The following NAV2 variants were observed in gnomAD, a reference collection of about 807,000 sequenced individuals.
The protein encoded by NAV2 is helicase, APC down-regulated 1.
A neutral mutation model predicts 223.2 loss-of-function variants in NAV2; 54 were observed. The observed-to-expected ratio is 0.24, with a 90% CI of 0.19 to 0.30. The LOEUF is 0.30. Among genes scored for constraint, NAV2 ranks in the 10% least tolerant of loss-of-function variants. NAV2 has a pLI of 1.00. For synonymous variants in NAV2, 1,279 were observed against 1,239.3 expected, an observed-to-expected ratio of 1.03 and a Z score of -0.67; for missense variants, 2,806 against 3,147.5, an observed-to-expected ratio of 0.89 and a Z score of 2.60.
At chr11:20,018,133 C>T (rs554244414) in intron 11 of NAV2, among the ~76,000 whole-genome samples, 115 of 152,216 alleles carry the variant, frequency 7.6e-4, no homozygotes, top group Middle Eastern at 3.4e-3. Context: ...GCAGGCGGAT[C>T]ACTTGAGATC....
At position 20,048,784 on chromosome 11, in the gene NAV2, A is replaced by G; in HGVS notation, c.3959A>G (p.Lys1320Arg). ...QVPIATAENM[K>R]NSVVISNPHA... ...CCCATCGCCACAGCTGAAAACATGAAAAATTCGGTGGTCATCTCCAATCCT... is the reference window on the plus strand; with the variant it reads ...CCCATCGCCACAGCTGAAAACATGAGAAATTCGGTGGTCATCTCCAATCCT... The change falls in exon 15 of 38, where the codon AAA becomes AGA. Residue 1320 changes from lysine (K) to arginine (R), a missense_variant. Around this residue, in one of 4 missense-constraint regions of NAV2, gnomAD observed 742 missense variants for 777.9 expected, o/e 0.95. Transcript: ENST00000349880. 6.2e-7 allele frequency: 1 copy of G among 1,614,102 alleles called. No homozygotes were observed. Among genetic ancestry groups the G allele is most frequent in the Non-Finnish European group, 8.5e-7 (1 of 1,180,008 alleles).
rs756161680 is a variant in NAV2 at position 19,984,157 on chromosome 11, C to T, written c.2678C>T (p.Thr893Ile). The change falls in exon 11 of 38, where the codon ACC becomes ATC. Residue 893 changes from threonine to isoleucine, a missense_variant. Physicochemically the swap from Thr to Ile is moderately conservative, Grantham distance 89 (BLOSUM62 -1). Transcript: ENST00000349880. ...YMTDGGLGLY[T>I]RRLNRLPDGM... ...ACTGATGGTGGACTTGGCCTCTATA[C>T]CCGTCGCCTGAACCGGCTCCCTGAT... 6 of 1,614,170 alleles carry T rather than the reference C, an allele frequency of 3.7e-6. No individual in the cohort carries two copies. The highest frequency in any genetic ancestry group is 1.1e-5 in the South Asian group (1 of 91,080).
intron 1 of NAV2, among the ~76,000 whole-genome samples, chr11:19,730,389 A>G (rs577402767): frequency 5.9e-5 from 9 of 152,290 alleles, no homozygotes; most frequent in African/African-American, 2.2e-4. Context: ...GAGGGGGAGG[A>G]AAAAGTGCCT....
intron 11 of NAV2, among the ~76,000 whole-genome samples, chr11:20,023,810 G>A (rs1028840998): frequency 3.3e-5 from 5 of 151,836 alleles, no homozygotes; most frequent in African/African-American, 1.2e-4. Context: ...GACCTATAGA[G>A]CTGCCCAGGG....
chr11:19,362,519 T>G (rs1236814301), intron 1 of NAV2, among the ~76,000 whole-genome samples: 1 of 152,214 alleles, frequency 6.6e-6, no homozygotes. Flanking sequence ...AATAATGTTG[T>G]ATACCACCAG....
intron 1 of NAV2, among the ~76,000 whole-genome samples, chr11:19,418,117 A>G (rs1850456412): frequency 6.6e-6 from 1 of 152,180 alleles, no homozygotes; most frequent in Non-Finnish European, 1.5e-5. Context: ...TCAAATTATG[A>G]AAAACAACAA....
At chr11:19,942,505 G>A (rs1321804444) in intron 8 of NAV2, among the ~76,000 whole-genome samples, 2 of 152,174 alleles carry the variant, frequency 1.3e-5, no homozygotes, top group African/African-American at 4.8e-5. Context: ...CTTGTCCAGG[G>A]TCAAGTGGCT....
chr11:20,042,158 A>G (rs544478494), intron 12 of NAV2, among the ~76,000 whole-genome samples: 2 of 152,202 alleles, frequency 1.3e-5, no homozygotes, highest in Non-Finnish European at 2.9e-5. Flanking sequence ...AAGGAAACTG[A>G]CCTGAGGTAG....
intron 1 of NAV2, among the ~76,000 whole-genome samples, chr11:19,532,494 G>A (rs2044055720): frequency 6.6e-6 from 1 of 152,138 alleles, no homozygotes; most frequent in South Asian, 2.1e-4. Context: ...TCCAGCTCAG[G>A]CATAACAATA....
rs892326055 is a variant in NAV2, at chr11:19,750,343, T to C, written c.267+36381T>C. ...TATCAGTCCCAAACCTTCTCACTTATACACATCTTTTTCTCTCACAACTGC... is the reference window on the plus strand; with the variant it reads ...TATCAGTCCCAAACCTTCTCACTTACACACATCTTTTTCTCTCACAACTGC... On this transcript the variant is annotated intron_variant, in intron 1 of 37. Coordinates refer to ENST00000349880, the MANE Select transcript of NAV2 (RefSeq NM_145117.5). Among the ~76,000 whole-genome samples, 10 of 152,362 alleles carry C rather than the reference T, an allele frequency of 6.6e-5. 1 individual carries two copies. The South Asian group carries it at 1.0e-3, about 16-fold the overall frequency.
intron 11 of NAV2, among the ~76,000 whole-genome samples, chr11:19,988,205 A>G (rs148274859): frequency 8.7e-4 from 132 of 152,326 alleles, no homozygotes; most frequent in African/African-American, 3.1e-3. Context: ...GTGTTTTAGC[A>G]CACAACGGGC....
intron 1 of NAV2, among the ~76,000 whole-genome samples, chr11:19,356,558 G>A (rs570864276): frequency 6.6e-6 from 1 of 152,274 alleles, no homozygotes; most frequent in South Asian, 2.1e-4. Context: ...AGAGGTCAGG[G>A]AGGACTTCTC....
chr11:19,960,903 A>T (rs963240266), intron 10 of NAV2, among the ~76,000 whole-genome samples: 1 of 151,290 alleles, frequency 6.6e-6, no homozygotes, highest in Non-Finnish European at 1.5e-5. Context: ...GTGAACCACT[A>T]TGTCCAGCCC....
At chr11:19,860,118 C>T (rs1200840261) in intron 3 of NAV2, among the ~76,000 whole-genome samples, 3 of 127,956 alleles carry the variant, frequency 2.3e-5, no homozygotes, top group African/African-American at 3.0e-5. Context: ...TAGGGGCGGC[C>T]GGGCAGAGGC....
At chr11:19,848,560 C>T (rs953972277) in intron 3 of NAV2, among the ~76,000 whole-genome samples, 10 of 152,208 alleles carry the variant, frequency 6.6e-5, no homozygotes, top group African/African-American at 2.4e-4. Context: ...GCTTGTAACC[C>T]AGGTGTGTCC....
intron 11 of NAV2, among the ~76,000 whole-genome samples, chr11:20,010,694 A>G (rs1197081302): frequency 6.6e-6 from 1 of 152,164 alleles, no homozygotes; most frequent in Admixed American, 6.5e-5. Flanking sequence ...CCACCGGGTG[A>G]TCTGGGCTCA....
chr11:19,477,600 T>C (rs758777383), intron 1 of NAV2, among the ~76,000 whole-genome samples: 14 of 152,210 alleles, frequency 9.2e-5, no homozygotes, highest in Admixed American at 2.0e-4. Context: ...GGAGACCATA[T>C]TGGGAAATTT....
In NAV2 at chr11:20,080,085, C is replaced by T; in HGVS notation, c.5201C>T (p.Ala1734Val). 6 of 1,613,982 alleles carry T rather than the reference C, an allele frequency of 3.7e-6. No homozygotes were observed. The highest frequency in any genetic ancestry group is 1.3e-5 in the African/African-American group (1 of 75,040). Residue 1734 changes from alanine (A) to valine (V), a missense_variant, in exon 25 of 38, where the codon GCA becomes GTA. By Grantham distance (64) the Ala-to-Val change is moderately conservative. Transcript: ENST00000349880. ...CCAGGAAACGGCACTGCCCAGTCTGCAGACCTCCGCATCCGCAGGCAGCAC... is the reference window on the plus strand; with the variant it reads ...CCAGGAAACGGCACTGCCCAGTCTGTAGACCTCCGCATCCGCAGGCAGCAC... ...NCKGNGTAQSADLRIRRQHSS... is the reference protein window; with the variant it reads ...NCKGNGTAQSVDLRIRRQHSS...
chr11:19,955,064 A>G (rs1337389186), intron 10 of NAV2, among the ~76,000 whole-genome samples: 1 of 151,994 alleles, frequency 6.6e-6, no homozygotes, highest in Non-Finnish European at 1.5e-5. Flanking sequence ...ATGCTCCTGT[A>G]TCTTCATTGG....
Sources: gnomAD v4.1 joint callset for allele counts (sites outside exome capture counted in the v4.1 genomes callset) on GRCh38, gnomAD v4.1.1 for gene constraint, gnomAD v4.1.1 regional missense constraint, MANE v1.5 for transcripts, NCBI Gene and HGNC (gene_info 2026-07-23, HGNC 2026-07-21) for gene names.